Variants in CFAP298 observed in about 807,000 individuals in gnomAD.
CFAP298 encodes the protein cilia- and flagella-associated protein 298.
Under a neutral mutation model 41.0 loss-of-function variants are expected in CFAP298, and 38 were observed. The observed-to-expected ratio is 0.93, with a 90% CI of 0.72 to 1.22. CFAP298 has a LOEUF of 1.22. CFAP298 is among the 50% of genes most tolerant of loss of function. The pLI is 0.00. For synonymous variants in CFAP298, 137 were observed against 135.3 expected, an observed-to-expected ratio of 1.01 and a Z score of -0.09; for missense variants, 348 against 360.3, an observed-to-expected ratio of 0.97 and a Z score of 0.28.
At chr21:32,604,587 G>C (rs860076) in intron 3 of CFAP298, 4 of 330,390 alleles carry the variant, frequency 1.2e-5, no homozygotes, top group Non-Finnish European at 2.3e-5. Flanking sequence ...ATACGGCAGG[G>C]GGAGCAGGCA....
At chr21:32,602,966 A>G (rs2038778964) in intron 5 of CFAP298, 195 bp downstream of exon 5, 3 of 1,034,188 alleles carry the variant, frequency 2.9e-6, no homozygotes, top group African/African-American at 1.6e-5. Context: ...CAAACTCTAG[A>G]TATTGGTACT....
intron 5 of CFAP298, 168 bp from the exon 6 acceptor site, chr21:32,602,535 CA>C: frequency 3.5e-6 from 5 of 1,428,478 alleles, no homozygotes; most frequent in Non-Finnish European, 3.6e-6. Flanking sequence ...TGGTCTTGAG[CA>C]GCCCTGAGCC....
chr21:32,602,406 G>A, intron 5 of CFAP298, 39 bp from the exon 6 acceptor site: 1 of 1,586,862 alleles, frequency 6.3e-7, no homozygotes, highest in Non-Finnish European at 8.5e-7. Context: ...GGATTAAGGT[G>A]TTCTTAGAGT....
intron 3 of CFAP298, among the ~76,000 whole-genome samples, chr21:32,606,890 G>A (rs779871869): frequency 6.6e-6 from 1 of 152,056 alleles, no homozygotes; most frequent in South Asian, 2.1e-4. Flanking sequence ...ATAAATTTAC[G>A]CTCCTCCCTC....
Position 32,609,919 on chromosome 21 carries a change from T to G in CFAP298, c.226A>C (p.Lys76Gln). The G allele has an allele frequency of 6.2e-7, 1 of 1,614,150 alleles. No individual in the cohort carries two copies. The highest frequency in any genetic ancestry group is 1.1e-5 in the South Asian group (1 of 91,072). ...TDDQIEELKL[K>Q]DEWGEKCVPS... ...ACGCATTTTTCACCCCATTCATCCTTCAATTTCAATTCTTCAATCTGATCA... is the reference window on the plus strand; with the variant it reads ...ACGCATTTTTCACCCCATTCATCCTGCAATTTCAATTCTTCAATCTGATCA... Residue 76 changes from lysine (K) to glutamine (Q), a missense_variant, in exon 2 of 7, where the codon AAG (lysine) becomes CAG (glutamine). Coordinates refer to ENST00000290155, the MANE Select transcript of CFAP298 (RefSeq NM_021254.4).
At chr21:32,607,975 AG>A (rs531883255) in intron 2 of CFAP298, among the ~76,000 whole-genome samples, 115 of 152,308 alleles carry the variant, frequency 7.6e-4, no homozygotes, top group African/African-American at 2.6e-3. Context: ...TTGGGTAAAC[AG>A]GGCCGGTGAA....
Position 32,603,303 on chromosome 21 carries a change from T to C in CFAP298, c.535-11A>G, listed in dbSNP as rs1420718307. The C allele has an allele frequency of 6.2e-7, 1 of 1,613,804 alleles. No homozygotes were observed. Among genetic ancestry groups the C allele is most frequent in the Non-Finnish European group, 8.5e-7 (1 of 1,179,962 alleles). Reference sequence around the variant, plus strand: ...GACGTTGAGCCCTGCCTGGGGCCAGTCGTAAGAATGGCTTGACTGTGTGTT... The same window carrying C: ...GACGTTGAGCCCTGCCTGGGGCCAGCCGTAAGAATGGCTTGACTGTGTGTT... On this transcript the variant is annotated splice_polypyrimidine_tract_variant and intron_variant, in intron 4 of 6. Transcript: ENST00000290155.
rs2038713299 is a variant in CFAP298 at position 32,600,235 on chromosome 21, T to C, written c.*1628A>G. Reference sequence around the variant, plus strand: ...AACTATAACCAAGTAAAAGAGAAAATAGATGCAAATTTGCTTTTACAAAAT... The same window carrying C: ...AACTATAACCAAGTAAAAGAGAAAACAGATGCAAATTTGCTTTTACAAAAT... On this transcript the variant is annotated 3_prime_UTR_variant, in exon 7 of 7. Coordinates refer to ENST00000290155, the MANE Select transcript of CFAP298 (RefSeq NM_021254.4). Among the ~76,000 whole-genome samples, 1 of 152,006 alleles carries C rather than the reference T, an allele frequency of 6.6e-6. No individual in the cohort carries two copies. Among genetic ancestry groups the C allele is most frequent in the African/African-American group, 2.4e-5 (1 of 41,376 alleles).
chr21:32,604,116 A>T lies in CFAP298; in HGVS notation c.534+9T>A. 3.1e-6 allele frequency: 5 copies of T among 1,610,848 alleles called. No individual in the cohort carries two copies. The highest frequency in any genetic ancestry group is 4.2e-6 in the Non-Finnish European group (5 of 1,177,956). On this transcript the variant is annotated intron_variant, in intron 4 of 6. Coordinates refer to ENST00000290155, the MANE Select transcript of CFAP298 (RefSeq NM_021254.4). The stretch of plus-strand genomic sequence containing the variant: ...CAACCTCCAGAGTACCCACTCACAA[A>T]CTACGTACCTGTGTTCCCGACAAGT...
intron 3 of CFAP298, 180 bp from the exon 4 acceptor site, chr21:32,604,463 T>C (rs2038823267): frequency 1.5e-6 from 1 of 646,270 alleles, no homozygotes; most frequent in East Asian, 2.8e-5. Flanking sequence ...CCGTGGCCTG[T>C]ATTATAAAGC....
In CFAP298 at chr21:32,609,863, A is replaced by G; in HGVS notation, c.282T>C (p.Asp94=). 1.2e-6 allele frequency: 2 copies of G among 1,613,972 alleles called. No individual in the cohort carries two copies. ...CTTGCCCATTCCTTCGTCCAATATC[A>G]TCCTTTTTAAACACTGCACCTCCGC... ...VPSGGAVFKK[D]DIGRRNGQAP... is the part of the protein sequence containing the mutation. Residue 94 remains aspartate (D), a synonymous_variant, in exon 2 of 7, where the codon GAT becomes GAC. Coordinates refer to ENST00000290155, the MANE Select transcript of CFAP298 (RefSeq NM_021254.4).
intron 2 of CFAP298, among the ~76,000 whole-genome samples, chr21:32,608,079 A>C (rs953834304): frequency 6.6e-6 from 1 of 152,216 alleles, no homozygotes; most frequent in Non-Finnish European, 1.5e-5. Context: ...CACGTAGCAC[A>C]AGAGCAGACA....
chr21:32,610,843 A>G (rs2038973547), intron 1 of CFAP298, among the ~76,000 whole-genome samples: 2 of 152,218 alleles, frequency 1.3e-5, no homozygotes, highest in Admixed American at 1.3e-4. Context: ...ACATAAATGA[A>G]TATACTATTT....
At position 32,600,028 on chromosome 21, in the gene CFAP298, TC is replaced by T. The variant is rs1194563608; in HGVS notation, c.*1834del. 1.3e-5 allele frequency among the ~76,000 whole-genome samples: 2 copies of T among 152,168 alleles called. No individual in the cohort carries two copies. Among genetic ancestry groups the T allele is most frequent in the African/African-American group, 4.8e-5 (2 of 41,446 alleles). On this transcript the variant is annotated 3_prime_UTR_variant, in exon 7 of 7. Transcript: ENST00000290155. Reference sequence around the variant, plus strand: ...TTTCTAATGATATTGAAGTAGTAGTTCCCTGAAAAGAGCTACTATGATCACA... The same window carrying T: ...TTTCTAATGATATTGAAGTAGTAGTTCCTGAAAAGAGCTACTATGATCACA...
Position 32,601,873 on chromosome 21 carries a change from C to A in CFAP298, c.863G>T (p.Arg288Ile), listed in dbSNP as rs2038747546. Reference protein sequence around the residue: ...HFHGVKDIKWRPR With the variant: ...HFHGVKDIKWIPR The stretch of plus-strand genomic sequence containing the variant: ...ATCAGCTGGTGAACTTCATCTTGGT[C>A]TCCACTTTATGTCTTTCACTCCATG... Residue 288 changes from arginine (R) to isoleucine (I), a missense_variant, in exon 7 of 7, where the codon AGA becomes ATA. Physicochemically the swap from Arg to Ile is moderately conservative, Grantham distance 97. Transcript: ENST00000290155. 4 of 1,600,092 alleles carry A rather than the reference C, an allele frequency of 2.5e-6. No homozygotes were observed. In the East Asian group the frequency reaches 8.9e-5, roughly 36 times the overall value.
Position 32,601,906 on chromosome 21 carries a change from C to G in CFAP298, c.830G>C (p.Arg277Thr), listed in dbSNP as rs770946641. ...TATGTCTTTCACTCCATGAAAATGT[C>G]TTTTCAAAGCAGTGTTATCCGCCCA... ...SPWADNTALK[R>T]HFHGVKDIKW... is the part of the protein sequence containing the mutation. Residue 277 changes from arginine (R) to threonine (T), a missense_variant, in exon 7 of 7, where the codon AGA becomes ACA. By Grantham distance (71) the Arg-to-Thr change is moderately conservative. Coordinates refer to ENST00000290155, the MANE Select transcript of CFAP298 (RefSeq NM_021254.4). 6.2e-7 allele frequency: 1 copy of G among 1,612,822 alleles called. No homozygotes were observed. The highest frequency in any genetic ancestry group is 8.5e-7 in the Non-Finnish European group (1 of 1,179,076).
Position 32,612,283 on chromosome 21 carries a change from G to A in CFAP298, c.-40C>T, listed in dbSNP as rs1381608234. The A allele has an allele frequency of 2.1e-6, 3 of 1,412,310 alleles. No individual in the cohort carries two copies. The highest frequency in any genetic ancestry group is 2.9e-6 in the Non-Finnish European group (3 of 1,032,558). 87.5% of individuals were successfully genotyped at this position (1,412,310 alleles called of 1,614,324 possible). On this transcript the variant is annotated 5_prime_UTR_variant, in exon 1 of 7. Transcript: ENST00000290155. ...GGTACTGAGGCGTTGAGAAGGCCCC[G>A]GCTGCGTGGCCCGCGGGTCCTGCCG...
chr21:32,607,749 G>A, intron 2 of CFAP298, 33 bp from the exon 3 acceptor site: 1 of 1,344,128 alleles, frequency 7.4e-7, no homozygotes, highest in South Asian at 1.2e-5. Context: ...GGGAGAAAGA[G>A]CTGTCAAATA....
At chr21:32,604,042 C>T in intron 4 of CFAP298, 83 bp downstream of exon 4, 2 of 1,358,648 alleles carry the variant, frequency 1.5e-6, no homozygotes, top group East Asian at 2.3e-5. Flanking sequence ...CAAAACACTA[C>T]ATCCAGAAGA....
Sources: allele counts gnomAD v4.1 joint callset (sites outside exome capture counted in the v4.1 genomes callset), GRCh38; gene constraint gnomAD v4.1.1; transcripts MANE v1.5; gene names NCBI Gene and HGNC (gene_info 2026-07-23, HGNC 2026-07-21).